Variants in WDR64 observed in about 807,000 individuals in gnomAD.
WDR64 encodes WD repeat-containing protein 64.
WDR64 carries 112 observed loss-of-function variants against 139.3 expected under a neutral mutation model. That is an observed-to-expected ratio of 0.80 (90% confidence interval 0.69 to 0.94). WDR64 has a LOEUF of 0.94. Among genes scored for constraint, WDR64 ranks in the 40% least tolerant of loss-of-function variants. The pLI is 0.00. For synonymous variants in WDR64, 444 were observed against 437.7 expected, an observed-to-expected ratio of 1.01 and a Z score of -0.18; for missense variants, 1,206 against 1,293.1, an observed-to-expected ratio of 0.93 and a Z score of 1.03.
chr1:241,705,963 A>G (rs1667938257), intron 8 of WDR64, among the ~76,000 whole-genome samples: 1 of 152,116 alleles, frequency 6.6e-6, no homozygotes, highest in Non-Finnish European at 1.5e-5. Context: ...TTGCCTTTAT[A>G]GGTCCCTCCC....
intron 13 of WDR64, among the ~76,000 whole-genome samples, chr1:241,747,325 G>T (rs1669801452): frequency 6.6e-6 from 1 of 152,168 alleles, no homozygotes; most frequent in Admixed American, 6.5e-5. Flanking sequence ...GACAAGGTCT[G>T]TAGTCTAGTT....
At chr1:241,660,292 A>T (rs1429886885) in intron 1 of WDR64, among the ~76,000 whole-genome samples, 1 of 152,152 alleles carries the variant, frequency 6.6e-6, no homozygotes, top group African/African-American at 2.4e-5. Context: ...TTCTACCAGT[A>T]CCATGCTTTG....
chr1:241,786,625 G>A (rs1027110193), intron 23 of WDR64, among the ~76,000 whole-genome samples: 1 of 152,136 alleles, frequency 6.6e-6, no homozygotes, highest in Admixed American at 6.5e-5. Flanking sequence ...GTGGATGGAG[G>A]TTGAGGAGAA....
intron 6 of WDR64, 25 bp from the exon 7 acceptor site, chr1:241,683,462 A>G (rs1260193382): frequency 1.9e-6 from 3 of 1,548,170 alleles, no homozygotes; most frequent in African/African-American, 2.7e-5. Context: ...GTAATAATTC[A>G]TTAAAGTCAT....
At chr1:241,667,264 G>C (rs533726542) in intron 2 of WDR64, among the ~76,000 whole-genome samples, 1 of 152,272 alleles carries the variant, frequency 6.6e-6, no homozygotes, top group East Asian at 1.9e-4. Flanking sequence ...ACTATTCTCT[G>C]AGGTTAAATT....
chr1:241,654,896 G>A (rs889372179), intron 1 of WDR64, among the ~76,000 whole-genome samples: 1 of 152,116 alleles, frequency 6.6e-6, no homozygotes, highest in Non-Finnish European at 1.5e-5. Flanking sequence ...AATAAATTTT[G>A]TGTTTAAACT....
At chr1:241,682,990 T>C (rs1355767719) in intron 6 of WDR64, among the ~76,000 whole-genome samples, 3 of 152,192 alleles carry the variant, frequency 2.0e-5, no homozygotes, top group Admixed American at 2.0e-4. Flanking sequence ...AATAGCTGTA[T>C]AGCTTAGTGG....
In WDR64 at chr1:241,720,286, T is replaced by C. The variant is rs1335900265; in HGVS notation, c.1055-3011T>C. Among the ~76,000 whole-genome samples, 4 of 152,198 alleles carry C rather than the reference T, an allele frequency of 2.6e-5. No individual in the cohort carries two copies. In the East Asian group the frequency reaches 5.8e-4, roughly 22 times the overall value. ...GATACGCAGCCATGTATCTTTATAA[T>C]AGAATGATTTGTATTCCTTTGGGTA... On this transcript the variant is annotated intron_variant, in intron 9 of 27. Coordinates refer to ENST00000437684, the MANE Select transcript of WDR64 (RefSeq NM_001367482.1).
intron 5 of WDR64, among the ~76,000 whole-genome samples, chr1:241,679,134 G>C (rs1574000990): frequency 1.3e-5 from 2 of 152,074 alleles, no homozygotes; most frequent in African/African-American, 4.8e-5. Flanking sequence ...TCGAGAGCTC[G>C]CTTAATCAGT....
At chr1:241,800,023 A>G (rs1040698423) in intron 27 of WDR64, among the ~76,000 whole-genome samples, 10 of 152,242 alleles carry the variant, frequency 6.6e-5, no homozygotes, top group Non-Finnish European at 1.3e-4. Context: ...TCTCTGCTGC[A>G]GTGCCAATGT....
At position 241,757,473 on chromosome 1, in the gene WDR64, C is replaced by G; in HGVS notation, c.1947+14C>G. On this transcript the variant is annotated intron_variant, in intron 15 of 27. Coordinates refer to ENST00000437684, the MANE Select transcript of WDR64 (RefSeq NM_001367482.1). ...CAACCTACTGATGTAAGTTTCCTCT[C>G]TTGGTTTCTTTTTAACTTTTGCTTT... is the stretch of plus-strand genomic sequence containing the variant. The G allele has an allele frequency of 6.3e-7, 1 of 1,587,722 alleles. No individual in the cohort carries two copies. The highest frequency in any genetic ancestry group is 8.6e-7 in the Non-Finnish European group (1 of 1,168,362).
At chr1:241,675,081 CCCTTCAT>C (rs1558465997) in intron 4 of WDR64, among the ~76,000 whole-genome samples, 1 of 86,842 alleles carries the variant, frequency 1.2e-5, no homozygotes, top group Non-Finnish European at 2.4e-5. Context: ...CTGCCTCCCT[CCCTTCAT>C]CCTTCCTCCC....
chr1:241,696,396 G>A (rs1202463558), intron 8 of WDR64, among the ~76,000 whole-genome samples: 2 of 152,032 alleles, frequency 1.3e-5, no homozygotes, highest in Non-Finnish European at 2.9e-5. Flanking sequence ...GAATTTGGGG[G>A]CGAGTCCATA....
At chr1:241,778,670 T>C (rs1658746256) in intron 21 of WDR64, among the ~76,000 whole-genome samples, 1 of 152,174 alleles carries the variant, frequency 6.6e-6, no homozygotes, top group African/African-American at 2.4e-5. Flanking sequence ...GCATATTTAT[T>C]ATACTTCCTT....
rs1217250302 is a variant in WDR64, at chr1:241,773,003, G to A, written c.2430+72G>A. The stretch of plus-strand genomic sequence containing the variant: ...AAAAAGAATCATTAAATGAATCTTA[G>A]TGTTCTTCCATATGGCATCCAATTA... On this transcript the variant is annotated intron_variant, in intron 20 of 27. Transcript: ENST00000437684. 3 of 1,455,340 alleles carry A rather than the reference G, an allele frequency of 2.1e-6. No homozygotes were observed. The East Asian group carries it at 7.7e-5, about 38-fold the overall frequency. 90.2% of individuals were successfully genotyped at this position (1,455,340 alleles called of 1,614,324 possible). A position where few individuals can be genotyped will look rare whatever the true frequency, so the allele number is the denominator to read the frequency against.
intron 25 of WDR64, among the ~76,000 whole-genome samples, chr1:241,791,167 T>A (rs920330834): frequency 6.6e-6 from 1 of 152,062 alleles, no homozygotes; most frequent in Admixed American, 6.6e-5. Flanking sequence ...GCGCCTGTAG[T>A]CCCAGCTACT....
chr1:241,717,386 A>G (rs1189875667), intron 9 of WDR64, among the ~76,000 whole-genome samples: 1 of 152,094 alleles, frequency 6.6e-6, no homozygotes, highest in Non-Finnish European at 1.5e-5. Context: ...AGACTGAATC[A>G]GTTCTCTTTG....
rs113291864 is a variant in WDR64, at chr1:241,789,700, G to A, written c.2892-891G>A. Among the ~76,000 whole-genome samples, 814 of 152,200 alleles carry A rather than the reference G, an allele frequency of 5.3e-3. 9 individuals carry two copies. Among genetic ancestry groups the A allele is most frequent in the African/African-American group, 0.019 (776 of 41,514 alleles). Reference sequence around the variant, plus strand: ...GATGAGAACAAGTGGACACACAGAGGGGAACAACATACACTACACTGGGGC... The same window carrying A: ...GATGAGAACAAGTGGACACACAGAGAGGAACAACATACACTACACTGGGGC... On this transcript the variant is annotated intron_variant, in intron 24 of 27. Coordinates refer to ENST00000437684, the MANE Select transcript of WDR64 (RefSeq NM_001367482.1).
In WDR64 at chr1:241,741,499, T is replaced by G; in HGVS notation, c.1322-17T>G. 1 of 1,582,060 alleles carries G rather than the reference T, an allele frequency of 6.3e-7. No individual in the cohort carries two copies. Among genetic ancestry groups the G allele is most frequent in the Non-Finnish European group, 8.6e-7 (1 of 1,169,274 alleles). On this transcript the variant is annotated splice_polypyrimidine_tract_variant and intron_variant, in intron 11 of 27. Coordinates refer to ENST00000437684, the MANE Select transcript of WDR64 (RefSeq NM_001367482.1). ...TTCTAATATTGCATATTTATGAGAT[T>G]CTTACTTCTGTTCCAGGATCTAGTG...
Sources: allele counts gnomAD v4.1 joint callset (sites outside exome capture counted in the v4.1 genomes callset), GRCh38; gene constraint gnomAD v4.1.1; transcripts MANE v1.5; gene names NCBI Gene and HGNC (gene_info 2026-07-23, HGNC 2026-07-21).